STRN: variants seen among roughly 807,000 people sequenced by gnomAD.
STRN encodes the protein protein phosphatase 2 regulatory subunit B'''alpha.
STRN carries 53 observed loss-of-function variants against 96.3 expected under a neutral mutation model. The observed-to-expected ratio is 0.55, with a 90% CI of 0.44 to 0.69. The LOEUF (loss-of-function observed/expected upper bound fraction) is 0.69. Ranked by LOEUF, STRN falls within the 30% of genes least tolerant of loss-of-function variation. The probability of loss-of-function intolerance (pLI) is 0.00; values close to 1 mark genes in which losing one functional copy is unlikely to be tolerated. For missense variants in STRN, 987 were observed against 963.9 expected (o/e 1.02, Z -0.32); for synonymous variants, 428 against 355.9 (o/e 1.20, Z -2.28).
At chr2:36,925,340 T>C in intron 1 of STRN, 132 bp from the exon 2 acceptor site, 4 of 640,816 alleles carry the variant, frequency 6.2e-6, no homozygotes, top group Middle Eastern at 3.1e-4. Context: ...TCACAAAGTA[T>C]GTACAAATAT....
intron 1 of STRN, among the ~76,000 whole-genome samples, chr2:36,928,347 G>A (rs775876216): frequency 1.3e-5 from 2 of 152,098 alleles, no homozygotes; most frequent in Non-Finnish European, 2.9e-5. Flanking sequence ...AGGAAAAAAG[G>A]TAAAAAGAAA....
chr2:36,890,731 G>A (rs1213113969), intron 7 of STRN, among the ~76,000 whole-genome samples: 1 of 151,990 alleles, frequency 6.6e-6, no homozygotes, highest in Non-Finnish European at 1.5e-5. Flanking sequence ...TGATCCACCC[G>A]CCTCGGCCTC....
chr2:36,868,872 CTTT>C (rs201441254), intron 11 of STRN, among the ~76,000 whole-genome samples: 9 of 131,906 alleles, frequency 6.8e-5, no homozygotes, highest in Admixed American at 7.7e-5. Flanking sequence ...GATGCTGGTT[CTTT>C]TTTTTTTTTT....
At chr2:36,901,744 A>C (rs1436431883) in intron 5 of STRN, among the ~76,000 whole-genome samples, 1 of 152,176 alleles carries the variant, frequency 6.6e-6, no homozygotes, top group Admixed American at 6.5e-5. Flanking sequence ...ATGTATTCTT[A>C]ATTATTAATG....
At position 36,900,786 on chromosome 2, in the gene STRN, G is replaced by A. The variant is rs1032684246; in HGVS notation, c.660-1128C>T. ...CGCATGCCTGTAGTCTCGGCTACTC[G>A]GGAGGCTTAGGCAGCAGAATCGCTT... On this transcript the variant is annotated intron_variant, in intron 5 of 17. Coordinates refer to ENST00000263918, the MANE Select transcript of STRN (RefSeq NM_003162.4). Among the ~76,000 whole-genome samples the A allele has an allele frequency of 5.3e-5, 8 of 152,110 alleles. No individual in the cohort carries two copies. The East Asian group carries it at 9.7e-4, about 18-fold the overall frequency.
intron 3 of STRN, among the ~76,000 whole-genome samples, chr2:36,914,794 C>T (rs766653791): frequency 6.6e-5 from 10 of 152,120 alleles, no homozygotes; most frequent in African/African-American, 9.7e-5. Context: ...ATCTGTGTGA[C>T]GTTGGGCAAG....
chr2:36,950,208 GTTTT>G (rs931214580), intron 1 of STRN, among the ~76,000 whole-genome samples: 5 of 124,048 alleles, frequency 4.0e-5, no homozygotes, highest in African/African-American at 9.0e-5. Flanking sequence ...GGTTGGTTTG[GTTTT>G]GTTTTTTTTT....
chr2:36,875,737 A>C (rs1224742515), intron 10 of STRN, among the ~76,000 whole-genome samples: 1 of 151,442 alleles, frequency 6.6e-6, no homozygotes, highest in Admixed American at 6.6e-5. Context: ...GCTCACTGCA[A>C]ACTCTGCCTC....
chr2:36,917,673 G>A (rs1670144326), intron 2 of STRN, among the ~76,000 whole-genome samples: 1 of 150,110 alleles, frequency 6.7e-6, no homozygotes, highest in Admixed American at 6.6e-5. Flanking sequence ...AAAAGTTTTA[G>A]ACAGAGAGGA....
chr2:36,838,656 T>G lies in STRN; in HGVS notation c.*10800A>C, dbSNP rs1486835912. On this transcript the variant is annotated 3_prime_UTR_variant, in exon 18 of 18. Transcript: ENST00000263918. The stretch of plus-strand genomic sequence containing the variant: ...CTGTTCCGGCCACTTTGGGAAACAA[T>G]CTGTCAATATTTATTTAAAAATTTA... 1.3e-5 allele frequency among the ~76,000 whole-genome samples: 2 copies of G among 152,180 alleles called. No individual in the cohort carries two copies. Among genetic ancestry groups the G allele is most frequent in the Non-Finnish European group, 2.9e-5 (2 of 68,024 alleles).
Position 36,849,370 on chromosome 2 carries a change from G to A in STRN, c.*86C>T, listed in dbSNP as rs914060588. 4 of 1,462,160 alleles carry A rather than the reference G, an allele frequency of 2.7e-6. No individual in the cohort carries two copies. Among genetic ancestry groups the A allele is most frequent in the South Asian group, 1.3e-5 (1 of 79,542 alleles). 90.6% of individuals were successfully genotyped at this position (1,462,160 alleles called of 1,614,324 possible). On this transcript the variant is annotated 3_prime_UTR_variant, in exon 18 of 18. Transcript: ENST00000263918. Reference sequence around the variant, plus strand: ...CTTCAGCAGAACAAAAGGGCAGGACGAGATGATTCTTGCCCTCGTCTTCTG... The same window carrying A: ...CTTCAGCAGAACAAAAGGGCAGGACAAGATGATTCTTGCCCTCGTCTTCTG...
intron 1 of STRN, among the ~76,000 whole-genome samples, chr2:36,939,163 C>T (rs1384764164): frequency 1.3e-5 from 2 of 152,008 alleles, no homozygotes; most frequent in Admixed American, 6.6e-5. Flanking sequence ...GATCTCCTGA[C>T]CTCGTGATCC....
chr2:36,874,577 A>G (rs1668851006), intron 10 of STRN, among the ~76,000 whole-genome samples: 1 of 152,078 alleles, frequency 6.6e-6, no homozygotes, highest in African/African-American at 2.4e-5. Context: ...AAAAAGGAAA[A>G]CAAACCTTGG....
At chr2:36,898,131 A>G (rs1669592315) in intron 6 of STRN, among the ~76,000 whole-genome samples, 1 of 152,214 alleles carries the variant, frequency 6.6e-6, no homozygotes, top group African/African-American at 2.4e-5. Context: ...AATATTTTAA[A>G]TATTTAAATT....
At chr2:36,959,384 T>C (rs1558670782) in intron 1 of STRN, among the ~76,000 whole-genome samples, 1 of 152,198 alleles carries the variant, frequency 6.6e-6, no homozygotes, top group Non-Finnish European at 1.5e-5. Context: ...GCAGTACATA[T>C]ACTCAAATTG....
chr2:36,886,632 G>T, intron 8 of STRN, 84 bp downstream of exon 8: 1 of 1,075,744 alleles, frequency 9.3e-7, no homozygotes, highest in Non-Finnish European at 1.4e-6. Context: ...AGAGTAAGTA[G>T]ATTTAGGAAA....
chr2:36,959,291 C>T (rs1328453392), intron 1 of STRN, among the ~76,000 whole-genome samples: 1 of 152,176 alleles, frequency 6.6e-6, no homozygotes, highest in Non-Finnish European at 1.5e-5. Context: ...TGTGGCTCTG[C>T]TTACCTCAGA....
At chr2:36,886,923 AG>A (rs1669247721) in intron 7 of STRN, 97 bp from the exon 8 acceptor site, 1 of 894,140 alleles carries the variant, frequency 1.1e-6, no homozygotes, top group Admixed American at 2.7e-5. Context: ...CTTTCTTTAT[AG>A]TATCACTAAC....
intron 9 of STRN, among the ~76,000 whole-genome samples, chr2:36,881,425 AC>A (rs771353262): frequency 9.2e-5 from 14 of 151,974 alleles, no homozygotes; most frequent in Non-Finnish European, 1.9e-4. Flanking sequence ...ACTAAACTGC[AC>A]CCGGCCCTGC....
Sources: allele counts gnomAD v4.1 joint callset (sites outside exome capture counted in the v4.1 genomes callset), GRCh38; gene constraint gnomAD v4.1.1; transcripts MANE v1.5; gene names NCBI Gene and HGNC (gene_info 2026-07-23, HGNC 2026-07-21).